KCNH7: variants seen among roughly 807,000 people sequenced by gnomAD.
The protein encoded by KCNH7 is voltage-gated inwardly rectifying potassium channel KCNH7.
Under a neutral mutation model 120.8 loss-of-function variants are expected in KCNH7, and 49 were observed. That is an observed-to-expected ratio of 0.41 (90% CI 0.32 to 0.51). The LOEUF (loss-of-function observed/expected upper bound fraction) is 0.51, where lower values mean the gene tolerates loss of function less well. Ranked by LOEUF, KCNH7 falls within the 20% of genes least tolerant of loss-of-function variation. The pLI is 0.38. For missense variants in KCNH7, 1,097 were observed against 1,446.6 expected, an observed-to-expected ratio of 0.76 and a Z score of 3.92; for synonymous variants, 547 against 516.1, an observed-to-expected ratio of 1.06 and a Z score of -0.81.
intron 14 of KCNH7, among the ~76,000 whole-genome samples, chr2:162,376,627 G>A (rs191050599): frequency 6.6e-6 from 1 of 152,202 alleles, no homozygotes; most frequent in African/African-American, 2.4e-5. Flanking sequence ...CTTTCAAAGT[G>A]CTGGGATTAC....
chr2:162,480,690 T>A (rs547436254), intron 6 of KCNH7, among the ~76,000 whole-genome samples: 1 of 152,274 alleles, frequency 6.6e-6, no homozygotes, highest in Non-Finnish European at 1.5e-5. Context: ...TTAAACAAAC[T>A]CTATTTATAA....
At chr2:162,393,628 G>T (rs1189053648) in intron 12 of KCNH7, among the ~76,000 whole-genome samples, 5 of 151,884 alleles carry the variant, frequency 3.3e-5, no homozygotes, top group Non-Finnish European at 7.4e-5. Context: ...GAAAGATGCA[G>T]CTATGGGGCC....
chr2:162,734,857 G>T (rs1433808155), intron 2 of KCNH7, among the ~76,000 whole-genome samples: 1 of 152,140 alleles, frequency 6.6e-6, no homozygotes, highest in Admixed American at 6.6e-5. Context: ...TGAAAATAGG[G>T]ACTGGAGAGA....
chr2:162,772,661 C>G (rs759946094), intron 2 of KCNH7, among the ~76,000 whole-genome samples: 3 of 152,114 alleles, frequency 2.0e-5, no homozygotes, highest in Non-Finnish European at 4.4e-5. Flanking sequence ...ACTGAAAGCC[C>G]CATTTGAACA....
At chr2:162,812,374 T>C (rs770741986) in intron 2 of KCNH7, among the ~76,000 whole-genome samples, 2 of 152,048 alleles carry the variant, frequency 1.3e-5, no homozygotes, top group Non-Finnish European at 2.9e-5. Flanking sequence ...AGGAGGCTAG[T>C]GCAGTAATCT....
chr2:162,493,347 C>T (rs1690389409), intron 6 of KCNH7, among the ~76,000 whole-genome samples: 1 of 152,058 alleles, frequency 6.6e-6, no homozygotes, highest in African/African-American at 2.4e-5. Context: ...GCACTTAGAT[C>T]AAATATTTTT....
chr2:162,584,061 T>C (rs1039772282), intron 2 of KCNH7, among the ~76,000 whole-genome samples: 1 of 152,164 alleles, frequency 6.6e-6, no homozygotes, highest in Non-Finnish European at 1.5e-5. Context: ...AATAATTTTA[T>C]GTCCATACAG....
intron 2 of KCNH7, among the ~76,000 whole-genome samples, chr2:162,597,589 AAGTTTCAGTTAGG>A (rs1436261194): frequency 2.0e-5 from 3 of 152,054 alleles, no homozygotes; most frequent in Admixed American, 6.6e-5. Context: ...AAAGGGTGCA[AAGTTTCAGTTAGG>A]AGGAATAAAT....
intron 2 of KCNH7, among the ~76,000 whole-genome samples, chr2:162,577,321 CT>C (rs1206668710): frequency 1.4e-4 from 20 of 148,046 alleles, no homozygotes; most frequent in African/African-American, 5.0e-4. Flanking sequence ...ATCTATCTAT[CT>C]ATCTATCTGT....
chr2:162,484,828 C>T (rs1354112708), intron 6 of KCNH7, among the ~76,000 whole-genome samples: 2 of 152,124 alleles, frequency 1.3e-5, no homozygotes, highest in African/African-American at 4.8e-5. Flanking sequence ...TGCTTCCTCT[C>T]TCACCATGTG....
Position 162,371,918 on chromosome 2 carries a change from G to C in KCNH7, c.3502C>G (p.His1168Asp). The C allele has an allele frequency of 6.2e-7, 1 of 1,613,774 alleles. No homozygotes were observed. Among genetic ancestry groups the C allele is most frequent in the Non-Finnish European group, 8.5e-7 (1 of 1,179,772 alleles). ...QRKTYVHPIR[H>D]PSLPDSSLST... is the part of the protein sequence containing the mutation. ...AGGGATGAATCTGGCAAAGAAGGATGCCTAATTGGATGAACGTAAGTTTTT... is the reference window on the plus strand; with the variant it reads ...AGGGATGAATCTGGCAAAGAAGGATCCCTAATTGGATGAACGTAAGTTTTT... Residue 1168 changes from histidine to aspartate, a missense_variant, in exon 16 of 16, where the codon CAT (histidine) becomes GAT (aspartate). His to Asp is a moderately conservative substitution (Grantham distance 81). Transcript: ENST00000332142.
chr2:162,373,809 CCTGACGGAT>C, intron 14 of KCNH7, 147 bp from the exon 15 acceptor site: 1 of 457,482 alleles, frequency 2.2e-6, no homozygotes, highest in Non-Finnish European at 3.8e-6. Flanking sequence ...GAGATTCTTT[CCTGACGGAT>C]ACTTACTGTG....
At chr2:162,750,772 C>T (rs1247197473) in intron 2 of KCNH7, among the ~76,000 whole-genome samples, 1 of 151,998 alleles carries the variant, frequency 6.6e-6, no homozygotes, top group Non-Finnish European at 1.5e-5. Context: ...GAATGTCTCA[C>T]CTTGGAATTA....
chr2:162,400,368 C>T lies in KCNH7; in HGVS notation c.2228G>A (p.Cys743Tyr). The change falls in exon 10 of 16, where the codon TGC becomes TAC. Residue 743 changes from cysteine (C) to tyrosine (Y), a missense_variant. Cys to Tyr is a radical substitution (Grantham distance 194). Around this residue, in one of 8 missense-constraint regions of KCNH7, gnomAD observed 101 missense variants for 176.3 expected, o/e 0.57. Transcript: ENST00000332142. ...LHLNQTLLQN[C>Y]KAFRGASKGC... is the part of the protein sequence containing the mutation. ...TTTACTTGCCCCCCGAAAGGCTTTG[C>T]AGTTTTGCAGCAATGTCTGGTTGAG... The T allele has an allele frequency of 6.2e-7, 1 of 1,612,356 alleles. No homozygotes were observed. Among genetic ancestry groups the T allele is most frequent in the East Asian group, 2.2e-5 (1 of 44,760 alleles).
intron 2 of KCNH7, among the ~76,000 whole-genome samples, chr2:162,612,640 A>G (rs1209311983): frequency 2.0e-5 from 3 of 152,088 alleles, no homozygotes; most frequent in Non-Finnish European, 4.4e-5. Context: ...TCCATAATTA[A>G]AAAATATATG....
At chr2:162,776,771 A>C (rs893707947) in intron 2 of KCNH7, among the ~76,000 whole-genome samples, 1 of 152,058 alleles carries the variant, frequency 6.6e-6, no homozygotes, top group African/African-American at 2.4e-5. Context: ...CTCTTCTCCC[A>C]CTCATTTTTA....
intron 2 of KCNH7, among the ~76,000 whole-genome samples, chr2:162,557,371 T>G (rs914021563): frequency 2.6e-5 from 4 of 152,170 alleles, no homozygotes; most frequent in African/African-American, 9.7e-5. Flanking sequence ...CATAAGCTAT[T>G]GGGCCAATTA....
In KCNH7 at chr2:162,504,469, G is replaced by T. The variant is rs199742422; in HGVS notation, c.1102C>A (p.His368Asn). The change falls in exon 6 of 16, where the codon CAC becomes AAC. Residue 368 changes from histidine to asparagine, a missense_variant. This residue lies in a region of KCNH7 where 362 missense variants were observed against 372.2 expected (regional missense o/e 0.97). Coordinates refer to ENST00000332142, the MANE Select transcript of KCNH7 (RefSeq NM_033272.4). ...TGGGTCACTTTCTCAGTCACATTGTGTGTTCGATCTTTAACCTTGGGTGCA... is the reference window on the plus strand; with the variant it reads ...TGGGTCACTTTCTCAGTCACATTGTTTGTTCGATCTTTAACCTTGGGTGCA... The part of the protein sequence containing the change: ...IIAPKVKDRT[H>N]NVTEKVTQVL... 5.3e-5 allele frequency: 86 copies of T among 1,612,500 alleles called. No homozygotes were observed. The highest frequency in any genetic ancestry group is 7.0e-5 in the Non-Finnish European group (82 of 1,178,986).
At chr2:162,758,802 A>C (rs1369177274) in intron 2 of KCNH7, among the ~76,000 whole-genome samples, 1 of 152,168 alleles carries the variant, frequency 6.6e-6, no homozygotes, top group Non-Finnish European at 1.5e-5. Flanking sequence ...ATAAAAATTA[A>C]AAGCAAATAA....
Sources: allele counts gnomAD v4.1 joint callset (sites outside exome capture counted in the v4.1 genomes callset), GRCh38; gene constraint gnomAD v4.1.1; regional missense constraint gnomAD v4.1.1; transcripts MANE v1.5; gene names NCBI Gene and HGNC (gene_info 2026-07-23, HGNC 2026-07-21).